Variants in SLC25A26 observed in about 807,000 individuals in gnomAD.
SLC25A26 encodes solute carrier family 25 member 26, also known as mitochondrial S-adenosylmethionine carrier protein.
A neutral mutation model predicts 37.8 loss-of-function variants in SLC25A26; 36 were observed. The observed-to-expected ratio is 0.95, with a 90% CI of 0.73 to 1.26. The LOEUF is 1.26. Ranked by LOEUF, SLC25A26 falls within the 50% of genes most tolerant of loss-of-function variation. The pLI, the probability that SLC25A26 is intolerant of heterozygous loss-of-function variation, is 0.00. For synonymous variants in SLC25A26, 129 were observed against 122.5 expected (o/e 1.05, Z -0.35); for missense variants, 390 against 331.1 (o/e 1.18, Z -1.38).
At chr3:66,260,719 A>C (rs2073495391) in intron 3 of SLC25A26, among the ~76,000 whole-genome samples, 1 of 152,194 alleles carries the variant, frequency 6.6e-6, no homozygotes, top group Admixed American at 6.5e-5. Context: ...TTGGAGTAGG[A>C]GTTGGCAAGC....
chr3:66,215,527 T>C (rs2071347900), intron 1 of SLC25A26, among the ~76,000 whole-genome samples: 1 of 152,206 alleles, frequency 6.6e-6, no homozygotes, highest in East Asian at 1.9e-4. Context: ...GTAACCGTTT[T>C]AGGAGGCAAA....
At chr3:66,275,498 C>G (rs778514093) in intron 5 of SLC25A26, among the ~76,000 whole-genome samples, 6 of 152,034 alleles carry the variant, frequency 3.9e-5, no homozygotes, top group Non-Finnish European at 7.4e-5. Context: ...TACTATTAAT[C>G]TAACACCTAG....
intron 1 of SLC25A26, among the ~76,000 whole-genome samples, chr3:66,154,212 C>T (rs771488596): frequency 6.6e-6 from 1 of 152,088 alleles, no homozygotes; most frequent in East Asian, 1.9e-4. Context: ...TGCGAGACCC[C>T]GGGCATTTAT....
chr3:66,174,897 G>C (rs1272368436), intron 1 of SLC25A26, among the ~76,000 whole-genome samples: 1 of 151,384 alleles, frequency 6.6e-6, no homozygotes. Flanking sequence ...AGTCAGTACA[G>C]CTTGGTCCAG....
At chr3:66,230,753 C>A (rs541814724) in intron 1 of SLC25A26, among the ~76,000 whole-genome samples, 1 of 133,610 alleles carries the variant, frequency 7.5e-6, no homozygotes, top group African/African-American at 2.8e-5. Context: ...TGCAGTGAGC[C>A]GAGATCGTGC....
chr3:66,156,617 G>A (rs1161712853), intron 1 of SLC25A26, among the ~76,000 whole-genome samples: 1 of 152,192 alleles, frequency 6.6e-6, no homozygotes, highest in Non-Finnish European at 1.5e-5. Context: ...TGCTTGTCAT[G>A]ATGTAGGGGA....
chr3:66,221,879 T>C (rs563057271), intron 1 of SLC25A26, among the ~76,000 whole-genome samples: 1 of 151,722 alleles, frequency 6.6e-6, no homozygotes, highest in South Asian at 2.1e-4. Context: ...ATTTTTAAAA[T>C]GATTTTCATA....
At chr3:66,181,574 T>A (rs1386091932) in intron 1 of SLC25A26, among the ~76,000 whole-genome samples, 1 of 152,150 alleles carries the variant, frequency 6.6e-6, no homozygotes, top group African/African-American at 2.4e-5. Context: ...AGCAATCTTA[T>A]GAGATTAGTT....
At chr3:66,164,447 T>G (rs1403530318) in intron 1 of SLC25A26, among the ~76,000 whole-genome samples, 1 of 152,140 alleles carries the variant, frequency 6.6e-6, no homozygotes, top group African/African-American at 2.4e-5. Flanking sequence ...TATATCAGTT[T>G]TTTTTTTAAT....
At chr3:66,264,991 A>G (rs35053939) in intron 5 of SLC25A26, among the ~76,000 whole-genome samples, 4,356 of 152,288 alleles carry the variant, frequency 0.029, 256 homozygotes, top group Admixed American at 0.14. Context: ...GTTTACCATC[A>G]CTAAGTAGTT....
rs1258501258 is a variant in SLC25A26, at chr3:66,346,484, A to T, written c.498+76A>T. 1.3e-5 allele frequency: 10 copies of T among 768,148 alleles called. No individual in the cohort carries two copies. The African/African-American group carries it at 1.3e-4, about 10-fold the overall frequency. 47.6% of individuals were successfully genotyped at this position (768,148 alleles called of 1,614,324 possible). On this transcript the variant is annotated intron_variant, in intron 6 of 9. Coordinates refer to ENST00000354883, the MANE Select transcript of SLC25A26 (RefSeq NM_001379210.1). ...AATAGTTTGAGTGTGGAAGAGTAGA[A>T]CATAATGTTGACTAGAAGTTCAGCA... is the stretch of plus-strand genomic sequence containing the variant.
intron 3 of SLC25A26, among the ~76,000 whole-genome samples, chr3:66,256,714 A>C (rs558571350): frequency 6.6e-6 from 1 of 152,232 alleles, no homozygotes; most frequent in African/African-American, 2.4e-5. Flanking sequence ...TGGGCAACAT[A>C]GCAAGATCCT....
intron 5 of SLC25A26, among the ~76,000 whole-genome samples, chr3:66,314,626 G>A (rs190340772): frequency 1.3e-5 from 2 of 152,196 alleles, no homozygotes; most frequent in East Asian, 1.9e-4. Flanking sequence ...GATGATGCTG[G>A]CGTCATAGAA....
Position 66,154,540 on chromosome 3 carries a change from C to CTTTTTTTT in SLC25A26, c.-354+20567_-354+20574dup, listed in dbSNP as rs60639995. On this transcript the variant is annotated intron_variant, in intron 1 of 10. Coordinates refer to the SLC25A26 transcript ENST00000676754. Reference sequence around the variant, plus strand: ...CTGTCCAACCTCGTTTTCTTTTTTTCTTTTTTTTTTTTTTTTTTGGTGACA... The same window carrying CTTTTTTTT: ...CTGTCCAACCTCGTTTTCTTTTTTTCTTTTTTTTTTTTTTTTTTTTTTTTTTGGTGACA... Among the ~76,000 whole-genome samples the CTTTTTTTT allele has an allele frequency of 4.7e-4, 61 of 130,348 alleles. 1 individual carries two copies. Among genetic ancestry groups the CTTTTTTTT allele is most frequent in the Non-Finnish European group, 6.8e-4 (42 of 62,162 alleles). 85.5% of individuals were successfully genotyped at this position (130,348 alleles called of 152,430 possible).
intron 1 of SLC25A26, among the ~76,000 whole-genome samples, chr3:66,174,875 C>T (rs1475790006): frequency 6.6e-6 from 1 of 151,294 alleles, no homozygotes; most frequent in Non-Finnish European, 1.5e-5. Flanking sequence ...CCACTTGAAG[C>T]TCTAGAGATG....
Position 66,209,898 on chromosome 3 carries a change from TTA to T in SLC25A26, c.-353-10796_-353-10795del, listed in dbSNP as rs1159734636. ...TATACTCCTCTCTCTCTCTCTCTAT[TTA>T]TATATATATATATATATATATATAT... On this transcript the variant is annotated intron_variant, in intron 1 of 10. Coordinates refer to the SLC25A26 transcript ENST00000676754. Among the ~76,000 whole-genome samples, 145 of 38,502 alleles carry T rather than the reference TTA, an allele frequency of 3.8e-3. 1 individual carries two copies. Among genetic ancestry groups the T allele is most frequent in the Non-Finnish European group, 4.3e-3 (85 of 19,860 alleles). The allele number at this position is 38,502 out of a possible 152,430, so 25.3% of individuals were successfully genotyped here. A position where few individuals can be genotyped will look rare whatever the true frequency, so the allele number is the denominator to read the frequency against.
chr3:66,148,300 C>A (rs2070149431), intron 1 of SLC25A26, among the ~76,000 whole-genome samples: 1 of 152,110 alleles, frequency 6.6e-6, no homozygotes, highest in Admixed American at 6.5e-5. Flanking sequence ...GAGAAGTGAG[C>A]AGGGTTAAGG....
chr3:66,204,420 C>G (rs2071148464), intron 1 of SLC25A26, among the ~76,000 whole-genome samples: 1 of 63,564 alleles, frequency 1.6e-5, no homozygotes, highest in African/African-American at 4.7e-5. Context: ...AGTGATACTC[C>G]GTCTCAAAAA....
In SLC25A26 at chr3:66,352,115, G is replaced by T. The variant is rs529673772; in HGVS notation, c.498+5707G>T. Among the ~76,000 whole-genome samples the T allele has an allele frequency of 2.2e-3, 335 of 152,138 alleles. 1 individual carries two copies. The highest frequency in any genetic ancestry group is 6.8e-3 in the Middle Eastern group (2 of 294). ...AAAAAAAAAATTATCTGGGATTGGT[G>T]GTGCATACCTGTAGTCCCAACTATG... is the stretch of plus-strand genomic sequence containing the variant. On this transcript the variant is annotated intron_variant, in intron 6 of 9. Transcript: ENST00000354883.
Sources: gnomAD v4.1 joint callset for allele counts (sites outside exome capture counted in the v4.1 genomes callset) on GRCh38, gnomAD v4.1.1 for gene constraint, MANE v1.5 for transcripts, NCBI Gene and HGNC (gene_info 2026-07-23, HGNC 2026-07-21) for gene names.